Variants in KIAA0825 observed in about 807,000 individuals in gnomAD.
The protein encoded by KIAA0825 is KIAA0825.
A neutral mutation model predicts 147.6 loss-of-function variants in KIAA0825; 119 were observed. That is an observed-to-expected ratio of 0.81 (90% CI 0.69 to 0.94). KIAA0825 has a LOEUF of 0.94. KIAA0825 is among the 40% of genes least tolerant of loss of function. The pLI is 0.00. For missense variants in KIAA0825, 1,381 were observed against 1,472.7 expected, an observed-to-expected ratio of 0.94 and a Z score of 1.02; for synonymous variants, 470 against 518.1, an observed-to-expected ratio of 0.91 and a Z score of 1.26.
chr5:94,341,545 T>C (rs966806906), intron 20 of KIAA0825, among the ~76,000 whole-genome samples: 1 of 152,180 alleles, frequency 6.6e-6, no homozygotes, highest in Non-Finnish European at 1.5e-5. Flanking sequence ...GCTGAGTCCA[T>C]AGATAATAGC....
chr5:94,532,937 T>C (rs1181787749), intron 3 of KIAA0825, among the ~76,000 whole-genome samples: 1 of 151,768 alleles, frequency 6.6e-6, no homozygotes, highest in Non-Finnish European at 1.5e-5. Flanking sequence ...GATACAATTA[T>C]ATTTATCCAA....
chr5:94,385,561 C>G (rs1213948459), intron 19 of KIAA0825, among the ~76,000 whole-genome samples: 1 of 152,140 alleles, frequency 6.6e-6, no homozygotes, highest in Non-Finnish European at 1.5e-5. Flanking sequence ...GGAAAAGCCA[C>G]CAGAAGAATG....
At chr5:94,518,495 T>C (rs899120694) in intron 5 of KIAA0825, among the ~76,000 whole-genome samples, 3 of 152,120 alleles carry the variant, frequency 2.0e-5, no homozygotes, top group African/African-American at 7.2e-5. Context: ...CAAGGCCCAA[T>C]AGCATGGTGC....
intron 20 of KIAA0825, among the ~76,000 whole-genome samples, chr5:94,348,430 C>A (rs779406748): frequency 6.6e-6 from 1 of 152,072 alleles, no homozygotes; most frequent in Non-Finnish European, 1.5e-5. Flanking sequence ...AAAACCTATC[C>A]GATTAATAGC....
rs1760299576 is a variant in KIAA0825, at chr5:94,464,935, G to C, written c.1997C>G (p.Ser666Cys). Residue 666 changes from serine to cysteine, a missense_variant, in exon 11 of 21, where the codon TCT becomes TGT. By Grantham distance (112) the Ser-to-Cys change is moderately radical (BLOSUM62 -1). Coordinates refer to ENST00000682413, the MANE Select transcript of KIAA0825 (RefSeq NM_001145678.3). ...GTATCTGGAGGCCAGTAGACTCAAA[G>C]ATTTCTCCAGCACTTCCACTAGAAT... ...QEILVEVLEK[S>C]LSLLASRYAR... 2.6e-6 allele frequency: 4 copies of C among 1,551,590 alleles called. No homozygotes were observed. The highest frequency in any genetic ancestry group is 2.6e-6 in the Non-Finnish European group (3 of 1,146,994).
intron 13 of KIAA0825, among the ~76,000 whole-genome samples, chr5:94,444,212 G>A (rs1757456018): frequency 6.6e-6 from 1 of 152,064 alleles, no homozygotes; most frequent in African/African-American, 2.4e-5. Flanking sequence ...TCCATGGTGG[G>A]GTGGGATGGG....
intron 20 of KIAA0825, among the ~76,000 whole-genome samples, chr5:94,236,103 GA>G (rs1386128258): frequency 2.0e-5 from 3 of 152,172 alleles, no homozygotes; most frequent in Non-Finnish European, 4.4e-5. Context: ...CATTATTTAA[GA>G]AATACATTTT....
intron 20 of KIAA0825, among the ~76,000 whole-genome samples, chr5:94,354,696 G>A (rs1259874446): frequency 1.3e-5 from 2 of 152,196 alleles, no homozygotes; most frequent in African/African-American, 4.8e-5. Context: ...CTATTTTGAA[G>A]AATGTTTCTG....
At chr5:94,320,566 A>G (rs1218962212) in intron 20 of KIAA0825, among the ~76,000 whole-genome samples, 2 of 151,612 alleles carry the variant, frequency 1.3e-5, no homozygotes, top group Non-Finnish European at 2.9e-5. Context: ...TGACATCAAC[A>G]TTATGTTACA....
chr5:94,484,190 A>G (rs1051503171), intron 6 of KIAA0825, among the ~76,000 whole-genome samples: 2 of 151,772 alleles, frequency 1.3e-5, no homozygotes, highest in Non-Finnish European at 3.0e-5. Context: ...TATAATTACT[A>G]TTTTAACAAC....
intron 5 of KIAA0825, among the ~76,000 whole-genome samples, chr5:94,487,035 G>A (rs571035636): frequency 5.9e-5 from 9 of 152,204 alleles, no homozygotes; most frequent in South Asian, 4.2e-4. Flanking sequence ...AAGAAACACC[G>A]CATGAAGAAT....
chr5:94,299,523 A>G (rs1778290768), intron 20 of KIAA0825, among the ~76,000 whole-genome samples: 1 of 152,054 alleles, frequency 6.6e-6, no homozygotes, highest in African/African-American at 2.4e-5. Flanking sequence ...CCTGAATTCA[A>G]TCTTACATTT....
chr5:94,400,180 C>T (rs1189750067), intron 16 of KIAA0825, among the ~76,000 whole-genome samples: 1 of 152,078 alleles, frequency 6.6e-6, no homozygotes, highest in African/African-American at 2.4e-5. Flanking sequence ...TAACAAATAT[C>T]CATCATCTGT....
At chr5:94,486,269 T>A (rs2151053050) in intron 5 of KIAA0825, among the ~76,000 whole-genome samples, 1 of 152,090 alleles carries the variant, frequency 6.6e-6, no homozygotes, top group Non-Finnish European at 1.5e-5. Context: ...AAAATACAAG[T>A]GCTATTCAAA....
chr5:94,468,283 T>C (rs1760801173), intron 10 of KIAA0825, among the ~76,000 whole-genome samples: 1 of 152,216 alleles, frequency 6.6e-6, no homozygotes, highest in Non-Finnish European at 1.5e-5. Flanking sequence ...ACCCCTATGT[T>C]GAACATATAG....
chr5:94,585,967 A>C (rs1008705364), intron 1 of KIAA0825, among the ~76,000 whole-genome samples: 1 of 152,158 alleles, frequency 6.6e-6, no homozygotes, highest in African/African-American at 2.4e-5. Flanking sequence ...ATGAAGGCAG[A>C]ATACAGATGC....
rs530165952 is a variant in KIAA0825, at chr5:94,426,467, C to T, written c.2498-9102G>A. 2.1e-4 allele frequency among the ~76,000 whole-genome samples: 32 copies of T among 152,186 alleles called. 1 individual carries two copies. The South Asian group carries it at 6.2e-3, about 30-fold the overall frequency. On this transcript the variant is annotated intron_variant, in intron 14 of 20. Coordinates refer to ENST00000682413, the MANE Select transcript of KIAA0825 (RefSeq NM_001145678.3). Reference sequence around the variant, plus strand: ...TAAGTTAGGCACAGGAAGACAAATACCATATGCTGTCACTCATATGTGGAG... The same window carrying T: ...TAAGTTAGGCACAGGAAGACAAATATCATATGCTGTCACTCATATGTGGAG...
chr5:94,605,485 T>A (rs1028843339), intron 1 of KIAA0825, among the ~76,000 whole-genome samples: 1 of 152,162 alleles, frequency 6.6e-6, no homozygotes, highest in Non-Finnish European at 1.5e-5. Context: ...CAGGCCAATA[T>A]TCTAGCTGAA....
At chr5:94,526,965 AGAG>A (rs1432331934) in intron 3 of KIAA0825, among the ~76,000 whole-genome samples, 1 of 152,004 alleles carries the variant, frequency 6.6e-6, no homozygotes, top group East Asian at 1.9e-4. Context: ...TCCTTGTAGA[AGAG>A]GAGATTATAT....
Sources: allele counts gnomAD v4.1 joint callset (sites outside exome capture counted in the v4.1 genomes callset), GRCh38; gene constraint gnomAD v4.1.1; transcripts MANE v1.5; gene names NCBI Gene and HGNC (gene_info 2026-07-23, HGNC 2026-07-21).